Variants in MAST4 observed in about 807,000 individuals in gnomAD.
MAST4 encodes microtubule-associated serine/threonine-protein kinase 4.
A neutral mutation model predicts 162.7 loss-of-function variants in MAST4; 89 were observed. That is an observed-to-expected ratio of 0.55 (90% confidence interval 0.46 to 0.65). MAST4 has a LOEUF of 0.65. MAST4 is among the 30% of genes least tolerant of loss of function. The pLI, the probability that MAST4 is intolerant of heterozygous loss-of-function variation, is 0.00. For missense variants in MAST4, 3,153 were observed against 3,374.0 expected, an observed-to-expected ratio of 0.93 and a Z score of 1.62; for synonymous variants, 1,479 against 1,361.1, an observed-to-expected ratio of 1.09 and a Z score of -1.91.
At chr5:67,056,421 A>G (rs1192519600) in intron 5 of MAST4, among the ~76,000 whole-genome samples, 1 of 152,172 alleles carries the variant, frequency 6.6e-6, no homozygotes, top group Non-Finnish European at 1.5e-5. Flanking sequence ...TTTTTAGTAT[A>G]TAATTCTGCG....
chr5:66,748,463 CCTTCCTTCT>C (rs1554048458), intron 1 of MAST4, among the ~76,000 whole-genome samples: 3 of 140,186 alleles, frequency 2.1e-5, no homozygotes, highest in East Asian at 2.2e-4. Flanking sequence ...CTCCCTCCTT[CCTTCCTTCT>C]CTTCCTTCTC....
chr5:67,120,945 T>G, intron 13 of MAST4, 72 bp from the exon 14 acceptor site: 1 of 1,081,250 alleles, frequency 9.2e-7, no homozygotes, highest in African/African-American at 1.6e-5. Flanking sequence ...CCTTCAAATA[T>G]TATCTATTTT....
At chr5:66,958,306 A>G (rs1745573917) in intron 4 of MAST4, among the ~76,000 whole-genome samples, 1 of 152,178 alleles carries the variant, frequency 6.6e-6, no homozygotes, top group South Asian at 2.1e-4. Flanking sequence ...CATTAGAGGA[A>G]GTGAGTCAGT....
chr5:67,109,098 A>T (rs1351138822), intron 10 of MAST4, among the ~76,000 whole-genome samples: 1 of 152,138 alleles, frequency 6.6e-6, no homozygotes, highest in Non-Finnish European at 1.5e-5. Context: ...ATTAACAAAC[A>T]GTTTTGCTCT....
intron 3 of MAST4, among the ~76,000 whole-genome samples, chr5:66,851,104 A>C (rs1483144286): frequency 1.3e-5 from 2 of 152,204 alleles, no homozygotes; most frequent in African/African-American, 4.8e-5. Context: ...GAATGGTTTC[A>C]AAACATTTTC....
At chr5:66,658,929 G>A (rs1746723463) in intron 1 of MAST4, among the ~76,000 whole-genome samples, 1 of 152,170 alleles carries the variant, frequency 6.6e-6, no homozygotes, top group African/African-American at 2.4e-5. Context: ...GGCAGAGGCA[G>A]GAGGGTTGCT....
At chr5:67,084,861 A>G (rs1231649432) in intron 5 of MAST4, among the ~76,000 whole-genome samples, 1 of 152,208 alleles carries the variant, frequency 6.6e-6, no homozygotes, top group Non-Finnish European at 1.5e-5. Flanking sequence ...TTATGCACTA[A>G]ATAATATGAG....
intron 10 of MAST4, among the ~76,000 whole-genome samples, chr5:67,106,576 C>T (rs915032267): frequency 6.6e-6 from 1 of 152,176 alleles, no homozygotes. Context: ...GACCCTCATC[C>T]AGCTCAGACC....
intron 1 of MAST4, among the ~76,000 whole-genome samples, chr5:66,614,825 G>C (rs969763282): frequency 2.0e-5 from 3 of 152,200 alleles, no homozygotes; most frequent in Admixed American, 2.0e-4. Flanking sequence ...TAGTTCCCTC[G>C]TGTTGGGAGG....
chr5:66,789,874 A>G (rs1200464631), intron 3 of MAST4: 1 of 441,388 alleles, frequency 2.3e-6, no homozygotes, highest in African/African-American at 2.0e-5. Context: ...GAAAATGGTG[A>G]TTTTTCCAAC....
chr5:67,142,338 T>G, intron 20 of MAST4, 83 bp from the exon 21 acceptor site: 2 of 1,532,048 alleles, frequency 1.3e-6, no homozygotes, highest in Non-Finnish European at 1.8e-6. Flanking sequence ...TTAAACATAA[T>G]GTTGATCCAG....
At chr5:67,033,315 C>CTCTGTGTGTGTGTGTGTGTGTG (rs1554084489) in intron 4 of MAST4, among the ~76,000 whole-genome samples, 4 of 125,990 alleles carry the variant, frequency 3.2e-5, no homozygotes, top group African/African-American at 1.2e-4. Context: ...TTTCATTTCT[C>CTCTGTGTGTGTGTGTGTGTGTG]TGTGTGTGTG....
chr5:66,783,497 ACTGGC>A (rs1255781409), intron 2 of MAST4: 3 of 152,202 alleles, frequency 2.0e-5, no homozygotes, highest in African/African-American at 7.2e-5. Flanking sequence ...TTTTACCATT[ACTGGC>A]AAGGATCTCT....
At chr5:66,692,438 G>A (rs1264509349) in intron 1 of MAST4, among the ~76,000 whole-genome samples, 5 of 149,838 alleles carry the variant, frequency 3.3e-5, no homozygotes, top group Non-Finnish European at 5.9e-5. Flanking sequence ...TTTATTGTAG[G>A]GCTGTCCTGA....
At chr5:67,030,271 T>C (rs921971968) in intron 4 of MAST4, among the ~76,000 whole-genome samples, 11 of 152,188 alleles carry the variant, frequency 7.2e-5, no homozygotes, top group Non-Finnish European at 1.6e-4. Context: ...GTGATACCTG[T>C]ATTCCGTATC....
intron 4 of MAST4, among the ~76,000 whole-genome samples, chr5:66,987,569 T>A (rs1343519729): frequency 1.3e-5 from 2 of 152,210 alleles, no homozygotes; most frequent in Non-Finnish European, 2.9e-5. Context: ...TCCAGTTTCC[T>A]TTGTAAAATG....
At chr5:66,828,578 C>T (rs1757386530) in intron 3 of MAST4, among the ~76,000 whole-genome samples, 1 of 152,226 alleles carries the variant, frequency 6.6e-6, no homozygotes, top group African/African-American at 2.4e-5. Flanking sequence ...GATTTCCTGT[C>T]TAATAGCAAG....
intron 1 of MAST4, chr5:66,738,372 C>T (rs921464333): frequency 6.6e-6 from 1 of 152,332 alleles, no homozygotes; most frequent in Non-Finnish European, 1.5e-5. Context: ...CCCTGTCCAA[C>T]TGCAAGGAGC....
intron 26 of MAST4, among the ~76,000 whole-genome samples, chr5:67,156,629 G>T (rs924177970): frequency 6.6e-6 from 1 of 152,204 alleles, no homozygotes; most frequent in East Asian, 1.9e-4. Flanking sequence ...CAAATGATGA[G>T]GTGTGTAAAC....
Sources: allele counts gnomAD v4.1 joint callset (sites outside exome capture counted in the v4.1 genomes callset), GRCh38; gene constraint gnomAD v4.1.1; transcripts MANE v1.5; gene names NCBI Gene and HGNC (gene_info 2026-07-23, HGNC 2026-07-21).